The following RERE variants were observed in gnomAD, a reference collection of about 807,000 sequenced individuals.
RERE encodes the protein arginine-glutamic acid dipeptide repeats protein.
In RERE, 40 loss-of-function variants were observed where a neutral mutation model predicts 146.1. The ratio of observed to expected loss-of-function variants is 0.27; its 90% confidence interval spans 0.21 to 0.36. The LOEUF is 0.36. Among genes scored for constraint, RERE ranks in the 10% least tolerant of loss-of-function variants. The pLI is 1.00. For missense variants in RERE, 1,933 were observed against 2,138.7 expected, an observed-to-expected ratio of 0.90 and a Z score of 1.90; for synonymous variants, 1,003 against 866.0, an observed-to-expected ratio of 1.16 and a Z score of -2.78.
chr1:8,361,010 C>T lies in RERE; in HGVS notation c.2497G>A (p.Ala833Thr), dbSNP rs200868114. ...HPPLQPLTGS[A>T]GQPSAPSHAQ... ...TGAGAGGGTGCAGAAGGCTGGCCCG[C>T]CGACCCAGTCAGAGGCTGCAGCGGG... Residue 833 changes from alanine to threonine, a missense_variant, in exon 18 of 23, where the codon GCG becomes ACG. Coordinates refer to ENST00000400908, the MANE Select transcript of RERE (RefSeq NM_001042681.2). 3 of 1,435,786 alleles carry T rather than the reference C, an allele frequency of 2.1e-6. No homozygotes were observed. The highest frequency in any genetic ancestry group is 2.7e-6 in the Non-Finnish European group (3 of 1,100,742). 88.9% of individuals were successfully genotyped at this position (1,435,786 alleles called of 1,614,324 possible). A position where few individuals can be genotyped will look rare whatever the true frequency, so the allele number is the denominator to read the frequency against.
chr1:8,657,041 G>A (rs113304734), intron 1 of RERE, among the ~76,000 whole-genome samples: 76 of 152,154 alleles, frequency 5.0e-4, no homozygotes, highest in African/African-American at 1.8e-3. Context: ...GGTGGCTCAC[G>A]CCTGTAATCC....
intron 10 of RERE, among the ~76,000 whole-genome samples, chr1:8,477,398 A>G (rs1359341274): frequency 6.6e-6 from 1 of 152,238 alleles, no homozygotes; most frequent in Non-Finnish European, 1.5e-5. Flanking sequence ...ATTATTTGTC[A>G]GCTGAGAAAG....
At chr1:8,570,113 C>T (rs1035991679) in intron 4 of RERE, among the ~76,000 whole-genome samples, 7 of 151,798 alleles carry the variant, frequency 4.6e-5, no homozygotes, top group Non-Finnish European at 8.8e-5. Context: ...CTGAGGCGGG[C>T]GGATCACGAG....
intron 9 of RERE, among the ~76,000 whole-genome samples, chr1:8,496,634 T>TG (rs2124239902): frequency 6.6e-6 from 1 of 152,346 alleles, no homozygotes; most frequent in Non-Finnish European, 1.5e-5. Context: ...AAAGTCTGCC[T>TG]GCCTGCTCTG....
chr1:8,358,990 G>A (rs1641436642), intron 19 of RERE, 74 bp from the exon 20 acceptor site: 3 of 1,472,528 alleles, frequency 2.0e-6, no homozygotes, highest in Admixed American at 5.0e-5. Context: ...CTGCGGAGGT[G>A]GGCCTGGTCC....
intron 4 of RERE, among the ~76,000 whole-genome samples, chr1:8,603,785 C>A (rs964624870): frequency 6.6e-6 from 1 of 151,808 alleles, no homozygotes; most frequent in Non-Finnish European, 1.5e-5. Flanking sequence ...GGAGGAGACC[C>A]TGTCTTTACA....
intron 12 of RERE, among the ~76,000 whole-genome samples, chr1:8,375,436 C>T (rs1464532565): frequency 1.3e-5 from 2 of 152,240 alleles, no homozygotes; most frequent in South Asian, 2.1e-4. Context: ...AAAACGCAAT[C>T]CACATGCCGA....
At chr1:8,743,404 G>C (rs572369968) in intron 1 of RERE, among the ~76,000 whole-genome samples, 188 of 149,578 alleles carry the variant, frequency 1.3e-3, no homozygotes, top group African/African-American at 4.4e-3. Context: ...TCAGCCTCCC[G>C]AGTAGCTGGG....
chr1:8,428,959 T>C (rs550987837), intron 11 of RERE, among the ~76,000 whole-genome samples: 24 of 152,118 alleles, frequency 1.6e-4, no homozygotes, highest in Non-Finnish European at 2.6e-4. Context: ...TCTCCACCTT[T>C]GGGATGGCAC....
intron 2 of RERE, among the ~76,000 whole-genome samples, chr1:8,636,065 C>T (rs556275135): frequency 2.0e-5 from 3 of 152,116 alleles, no homozygotes; most frequent in Non-Finnish European, 4.4e-5. Context: ...CTCAGCTCAC[C>T]GCAACCTCCG....
chr1:8,550,004 A>C (rs766194935), intron 6 of RERE, among the ~76,000 whole-genome samples: 5 of 152,242 alleles, frequency 3.3e-5, no homozygotes, highest in Non-Finnish European at 5.9e-5. Context: ...TCCTAGAACA[A>C]CAACGAGGAC....
At chr1:8,447,169 T>C (rs897149264) in intron 11 of RERE, among the ~76,000 whole-genome samples, 17 of 151,802 alleles carry the variant, frequency 1.1e-4, no homozygotes, top group African/African-American at 4.1e-4. Flanking sequence ...TTCTCTAAAC[T>C]GGTTATTCTA....
intron 7 of RERE, among the ~76,000 whole-genome samples, chr1:8,529,284 C>CTTTTTTTTTTTTTTT (rs1185715350): frequency 1.2e-5 from 1 of 84,544 alleles, no homozygotes; most frequent in African/African-American, 4.6e-5. Flanking sequence ...TCAGTTCTCC[C>CTTTTTTTTTTTTTTT]TTCTTTTTTT....
Position 8,364,326 on chromosome 1 carries a change from G to T in RERE, c.1541-71C>A. The T allele has an allele frequency of 7.2e-7, 1 of 1,396,314 alleles. No individual in the cohort carries two copies. The highest frequency in any genetic ancestry group is 1.0e-6 in the Non-Finnish European group (1 of 988,056). 86.5% of individuals were successfully genotyped at this position (1,396,314 alleles called of 1,614,324 possible). A position where few individuals can be genotyped will look rare whatever the true frequency, so the allele number is the denominator to read the frequency against. The stretch of plus-strand genomic sequence containing the variant: ...TCCCTGGGGATGTCTGGGCAGAGGG[G>T]CCCTTCTGTGGGCTCTACCCAAACC... On this transcript the variant is annotated intron_variant, in intron 14 of 22. Coordinates refer to ENST00000400908, the MANE Select transcript of RERE (RefSeq NM_001042681.2). This position sits in a 1 kb window ranked among gnomAD's most constrained non-coding sequence, Gnocchi z 5.1.
chr1:8,693,469 G>A (rs543484887), intron 1 of RERE, among the ~76,000 whole-genome samples: 102 of 152,298 alleles, frequency 6.7e-4, no homozygotes, highest in Non-Finnish European at 9.3e-4. Context: ...AGTACATTTT[G>A]CTAAGAGAAA....
intron 1 of RERE, among the ~76,000 whole-genome samples, chr1:8,693,840 G>A (rs1341686654): frequency 6.6e-6 from 1 of 152,050 alleles, no homozygotes; most frequent in Non-Finnish European, 1.5e-5. Flanking sequence ...AGTTAGGGGG[G>A]ATGCGGGAAC....
At chr1:8,568,801 T>C (rs1022489260) in intron 4 of RERE, among the ~76,000 whole-genome samples, 3 of 152,084 alleles carry the variant, frequency 2.0e-5, no homozygotes, top group South Asian at 2.1e-4. Flanking sequence ...GGAGTGAGAT[T>C]TATTATTCCC....
At chr1:8,576,379 C>T (rs182672261) in intron 4 of RERE, among the ~76,000 whole-genome samples, 134 of 152,224 alleles carry the variant, frequency 8.8e-4, no homozygotes, top group Non-Finnish European at 1.4e-3. Flanking sequence ...AGAGTTAAAA[C>T]TCAGTAAATA....
chr1:8,435,865 C>G (rs1184938670), intron 11 of RERE, among the ~76,000 whole-genome samples: 1 of 152,202 alleles, frequency 6.6e-6, no homozygotes, highest in Non-Finnish European at 1.5e-5. Flanking sequence ...GCAGGCCCAA[C>G]AAAAAGTACT....
Sources: gnomAD v4.1 joint callset for allele counts (sites outside exome capture counted in the v4.1 genomes callset) on GRCh38, gnomAD v4.1.1 for gene constraint, Gnocchi (gnomAD v3.1) non-coding constraint, MANE v1.5 for transcripts, NCBI Gene and HGNC (gene_info 2026-07-23, HGNC 2026-07-21) for gene names.